Variants in LAMA3 observed in about 807,000 individuals in gnomAD.
LAMA3 encodes laminin subunit alpha 3, also known as laminin subunit alpha-3.
LAMA3 carries 281 observed loss-of-function variants against 402.0 expected under a neutral mutation model. That is an observed-to-expected ratio of 0.70 (90% CI 0.63 to 0.77). The LOEUF (loss-of-function observed/expected upper bound fraction) is 0.77. Ranked by LOEUF, LAMA3 falls within the 30% of genes least tolerant of loss-of-function variation. The pLI, the probability that LAMA3 is intolerant of heterozygous loss-of-function variation, is 0.00. For synonymous variants in LAMA3, 1,431 were observed against 1,558.4 expected, an observed-to-expected ratio of 0.92 and a Z score of 1.93; for missense variants, 3,840 against 4,215.5, an observed-to-expected ratio of 0.91 and a Z score of 2.47.
chr18:23,894,740 GCT>G (rs893100426), intron 43 of LAMA3, among the ~76,000 whole-genome samples, 165 bp from the exon 44 acceptor site: 1 of 152,214 alleles, frequency 6.6e-6, no homozygotes, highest in Non-Finnish European at 1.5e-5. Flanking sequence ...TGTGCACAGG[GCT>G]CTCCTTTTTT....
At chr18:23,886,733 A>T (rs1425489052) in intron 41 of LAMA3, among the ~76,000 whole-genome samples, 3 of 152,262 alleles carry the variant, frequency 2.0e-5, no homozygotes, top group Non-Finnish European at 4.4e-5. Flanking sequence ...CCGGAAAATG[A>T]ATTCAACCAG....
chr18:23,946,050 C>T (rs1599170509), intron 69 of LAMA3, 94 bp from the exon 70 acceptor site: 1 of 1,251,976 alleles, frequency 8.0e-7, no homozygotes, highest in East Asian at 2.3e-5. Context: ...AGCATGAAAA[C>T]ATTTTTTTTT....
intron 40 of LAMA3, 83 bp downstream of exon 40, chr18:23,882,128 G>A: frequency 1.2e-6 from 1 of 834,746 alleles, no homozygotes; most frequent in South Asian, 1.4e-5. Context: ...GAGCAGGTGG[G>A]GAGAATGGGA....
intron 51 of LAMA3, among the ~76,000 whole-genome samples, 185 bp downstream of exon 51, chr18:23,904,879 A>G (rs1369035985): frequency 6.6e-6 from 1 of 152,268 alleles, no homozygotes; most frequent in Non-Finnish European, 1.5e-5. Flanking sequence ...TCTGTAGCAC[A>G]GTTTTAAAAC....
chr18:23,921,147 T>C, intron 61 of LAMA3, 93 bp downstream of exon 61: 1 of 1,366,706 alleles, frequency 7.3e-7, no homozygotes, highest in Non-Finnish European at 1.0e-6. Context: ...TAAAACTTCC[T>C]ATTACCAGAT....
intron 35 of LAMA3, among the ~76,000 whole-genome samples, chr18:23,862,232 A>G (rs1031782775): frequency 6.6e-6 from 1 of 152,224 alleles, no homozygotes; most frequent in African/African-American, 2.4e-5. Context: ...CAAGCTTATT[A>G]AAAGAAACAC....
intron 42 of LAMA3, among the ~76,000 whole-genome samples, chr18:23,893,587 A>G (rs965090915): frequency 6.6e-6 from 1 of 151,936 alleles, no homozygotes; most frequent in Admixed American, 6.6e-5. Flanking sequence ...CCCCCTCCCC[A>G]CCGGCCAAAA....
At chr18:23,739,930 T>C (rs928189457) in intron 2 of LAMA3, among the ~76,000 whole-genome samples, 6 of 152,248 alleles carry the variant, frequency 3.9e-5, no homozygotes, top group Non-Finnish European at 8.8e-5. Flanking sequence ...TTAAATCTCT[T>C]TGTTTTGGAA....
intron 23 of LAMA3, among the ~76,000 whole-genome samples, chr18:23,828,181 G>A (rs1380132321): frequency 6.6e-6 from 1 of 152,128 alleles, no homozygotes; most frequent in East Asian, 1.9e-4. Flanking sequence ...TTGTCCTTTT[G>A]AGGAAAATAT....
At chr18:23,731,832 G>A (rs1482236348) in intron 2 of LAMA3, among the ~76,000 whole-genome samples, 1 of 152,106 alleles carries the variant, frequency 6.6e-6, no homozygotes, top group Non-Finnish European at 1.5e-5. Flanking sequence ...TGGATGATGG[G>A]ATCTGTTGTA....
intron 37 of LAMA3, among the ~76,000 whole-genome samples, chr18:23,871,053 T>C (rs1230125555): frequency 6.6e-6 from 1 of 152,240 alleles, no homozygotes; most frequent in African/African-American, 2.4e-5. Context: ...CTGTCACCGA[T>C]GTGTACGTTT....
intron 49 of LAMA3, among the ~76,000 whole-genome samples, chr18:23,903,682 T>A (rs2081148516): frequency 6.6e-6 from 1 of 152,220 alleles, no homozygotes; most frequent in African/African-American, 2.4e-5. Flanking sequence ...GATAACATTG[T>A]GCTTTTGTAA....
chr18:23,747,663 T>A (rs78246011), intron 2 of LAMA3, among the ~76,000 whole-genome samples: 55 of 152,226 alleles, frequency 3.6e-4, no homozygotes, highest in African/African-American at 1.3e-3. Context: ...CACTGTAGAC[T>A]GGTTGCAATG....
chr18:23,838,169 GT>G (rs1295971001), intron 25 of LAMA3, among the ~76,000 whole-genome samples: 1 of 152,150 alleles, frequency 6.6e-6, no homozygotes, highest in Non-Finnish European at 1.5e-5. Flanking sequence ...CACCAAAAAT[GT>G]TTGTTGTTGT....
intron 58 of LAMA3, 55 bp downstream of exon 58, chr18:23,914,915 G>A (rs1410552456): frequency 1.0e-5 from 14 of 1,367,216 alleles, no homozygotes; most frequent in Non-Finnish European, 1.5e-5. Flanking sequence ...ATTTGGTATG[G>A]TGATGACCTC....
chr18:23,877,172 C>T (rs1243261662), intron 39 of LAMA3, among the ~76,000 whole-genome samples: 2 of 152,172 alleles, frequency 1.3e-5, no homozygotes, highest in East Asian at 3.8e-4. Context: ...TCACCCCTCC[C>T]GTCCTCACAA....
intron 11 of LAMA3, among the ~76,000 whole-genome samples, chr18:23,782,795 C>CT (rs11446507): frequency 0.11 from 14,791 of 135,988 alleles, 1,637 homozygotes; most frequent in African/African-American, 0.25. Flanking sequence ...TTCTGAGCAT[C>CT]TTTTTTTTTT....
chr18:23,852,984 A>G (rs1366029478), intron 32 of LAMA3, among the ~76,000 whole-genome samples: 1 of 152,156 alleles, frequency 6.6e-6, no homozygotes, highest in Non-Finnish European at 1.5e-5. Context: ...CTACGAGTCC[A>G]CAGAGATCGC....
At chr18:23,887,398 G>A (rs1256063690) in intron 41 of LAMA3, among the ~76,000 whole-genome samples, 1 of 152,096 alleles carries the variant, frequency 6.6e-6, no homozygotes, top group Non-Finnish European at 1.5e-5. Flanking sequence ...TCCTCTTTAT[G>A]GCTCTTCACA....
Sources: gnomAD v4.1 joint callset for allele counts (sites outside exome capture counted in the v4.1 genomes callset) on GRCh38, gnomAD v4.1.1 for gene constraint, MANE v1.5 for transcripts, NCBI Gene and HGNC (gene_info 2026-07-23, HGNC 2026-07-21) for gene names.